The following GRM8 variants were observed in gnomAD, a reference collection of about 807,000 sequenced individuals.
GRM8 encodes glutamate metabotropic receptor 8, also known as metabotropic glutamate receptor 8.
GRM8 carries 47 observed loss-of-function variants against 87.2 expected under a neutral mutation model. The observed-to-expected ratio is 0.54, with a 90% CI of 0.43 to 0.69. The LOEUF (loss-of-function observed/expected upper bound fraction) is 0.69. Ranked by LOEUF, GRM8 falls within the 30% of genes least tolerant of loss-of-function variation. The probability of loss-of-function intolerance (pLI) is 0.00; values close to 1 mark genes in which losing one functional copy is unlikely to be tolerated. For missense variants in GRM8, 1,019 were observed against 1,139.2 expected (o/e 0.89, Z 1.52); for synonymous variants, 396 against 404.5 (o/e 0.98, Z 0.25).
intron 2 of GRM8, among the ~76,000 whole-genome samples, chr7:127,154,283 TTCCC>T (rs1009205442): frequency 1.3e-5 from 2 of 152,202 alleles, no homozygotes; most frequent in Admixed American, 1.3e-4. Context: ...CCACCTGTAG[TTCCC>T]TCCAGCTGCT....
chr7:126,761,313 A>G (rs563196420), intron 7 of GRM8, among the ~76,000 whole-genome samples: 1 of 152,240 alleles, frequency 6.6e-6, no homozygotes, highest in African/African-American at 2.4e-5. Context: ...TGTCACAAAC[A>G]GTTATAAAGA....
intron 6 of GRM8, among the ~76,000 whole-genome samples, chr7:126,840,496 GTT>G (rs1014332537): frequency 1.3e-5 from 2 of 152,086 alleles, no homozygotes; most frequent in African/African-American, 4.8e-5. Context: ...TTCAAGCATA[GTT>G]TTTTTCTCAT....
intron 2 of GRM8, among the ~76,000 whole-genome samples, chr7:127,206,948 G>A (rs1795947979): frequency 6.6e-6 from 1 of 152,174 alleles, no homozygotes; most frequent in African/African-American, 2.4e-5. Context: ...ACACAAGGCA[G>A]GTTCAGAAGC....
intron 9 of GRM8, among the ~76,000 whole-genome samples, chr7:126,526,269 T>A (rs2150818329): frequency 6.6e-6 from 1 of 152,356 alleles, no homozygotes; most frequent in Non-Finnish European, 1.5e-5. Flanking sequence ...AGATTAGGTT[T>A]GTGTATATGA....
At chr7:126,774,111 A>T (rs1819159607) in intron 6 of GRM8, among the ~76,000 whole-genome samples, 1 of 152,170 alleles carries the variant, frequency 6.6e-6, no homozygotes, top group Admixed American at 6.6e-5. Context: ...ACATAAGCAT[A>T]TGGTGACAAA....
At chr7:127,250,847 A>G (rs1457328978) in intron 1 of GRM8, 4 of 152,362 alleles carry the variant, frequency 2.6e-5, no homozygotes, top group South Asian at 2.1e-4. Context: ...TCCACGATCT[A>G]CCTGCTGGTG....
intron 7 of GRM8, among the ~76,000 whole-genome samples, chr7:126,721,003 C>T (rs1206878192): frequency 6.6e-6 from 1 of 152,192 alleles, no homozygotes; most frequent in Non-Finnish European, 1.5e-5. Context: ...CTACTGTCAT[C>T]ACAACATAAA....
intron 3 of GRM8, among the ~76,000 whole-genome samples, chr7:126,957,125 A>G (rs1323112798): frequency 6.6e-6 from 1 of 152,202 alleles, no homozygotes; most frequent in Non-Finnish European, 1.5e-5. Flanking sequence ...GCTGCAATGT[A>G]TCTACTACAT....
chr7:127,058,536 TG>T (rs1253999263), intron 3 of GRM8, among the ~76,000 whole-genome samples: 1 of 152,036 alleles, frequency 6.6e-6, no homozygotes, highest in Non-Finnish European at 1.5e-5. Flanking sequence ...TTTAGGCTGG[TG>T]AAAAAAAAAA....
chr7:126,509,155 T>C (rs1810946090), intron 9 of GRM8, among the ~76,000 whole-genome samples: 1 of 152,104 alleles, frequency 6.6e-6, no homozygotes, highest in South Asian at 2.1e-4. Flanking sequence ...GAAAAGTGAA[T>C]ATTTTAGGAT....
chr7:126,560,743 A>T (rs1161614410), intron 8 of GRM8, among the ~76,000 whole-genome samples: 6 of 152,236 alleles, frequency 3.9e-5, no homozygotes, highest in Non-Finnish European at 8.8e-5. Context: ...GAAATAATTA[A>T]ACAATTCTGA....
chr7:127,001,873 T>G (rs188888104), intron 3 of GRM8, among the ~76,000 whole-genome samples: 45 of 151,790 alleles, frequency 3.0e-4, no homozygotes, highest in African/African-American at 9.2e-4. Context: ...AATAGAGTAT[T>G]GTTATTATCA....
chr7:127,226,659 T>C (rs1797345390), intron 2 of GRM8, among the ~76,000 whole-genome samples: 2 of 152,236 alleles, frequency 1.3e-5, no homozygotes, highest in South Asian at 4.1e-4. Flanking sequence ...ATGGTTTCAA[T>C]ATAACGTTAA....
Position 126,662,766 on chromosome 7 carries a change from C to T in GRM8, c.1358-53268G>A, listed in dbSNP as rs140088085. ...CTTTTTAAAGTGCCATCCAGTACAA[C>T]AAGAGTCGTAAAGCCAAGGAGCTTC... is the stretch of plus-strand genomic sequence containing the variant. On this transcript the variant is annotated intron_variant, in intron 7 of 10. Transcript: ENST00000339582. Among the ~76,000 whole-genome samples the T allele has an allele frequency of 2.0e-3, 301 of 151,830 alleles. 1 individual carries two copies. The highest frequency in any genetic ancestry group is 6.5e-3 in the African/African-American group (270 of 41,388).
intron 8 of GRM8, among the ~76,000 whole-genome samples, chr7:126,555,900 A>C (rs1208374885): frequency 6.6e-6 from 1 of 152,346 alleles, no homozygotes; most frequent in Middle Eastern, 3.4e-3. Context: ...GATTGACTGT[A>C]AAAGGACATA....
intron 6 of GRM8, among the ~76,000 whole-genome samples, chr7:126,806,039 C>T (rs1490876471): frequency 1.3e-5 from 2 of 152,202 alleles, no homozygotes; most frequent in Non-Finnish European, 2.9e-5. Context: ...GTTCAGCCTA[C>T]TGTGTCCAGA....
chr7:126,665,923 T>G (rs187004190), intron 7 of GRM8, among the ~76,000 whole-genome samples: 53 of 152,120 alleles, frequency 3.5e-4, no homozygotes, highest in Non-Finnish European at 6.2e-4. Flanking sequence ...CAGATTTTTG[T>G]GATGACTTTG....
At chr7:127,173,934 T>TA (rs1332946304) in intron 2 of GRM8, among the ~76,000 whole-genome samples, 1 of 152,170 alleles carries the variant, frequency 6.6e-6, no homozygotes, top group Admixed American at 6.6e-5. Flanking sequence ...GACTCTTCTG[T>TA]AAAACTATAA....
chr7:126,900,501 G>GTTGGT (rs1554524775), intron 6 of GRM8, among the ~76,000 whole-genome samples: 12 of 151,648 alleles, frequency 7.9e-5, no homozygotes, highest in African/African-American at 2.9e-4. Context: ...TTTTTTGTTT[G>GTTGGT]TTTGTTTTGT....
Sources: allele counts gnomAD v4.1 joint callset (sites outside exome capture counted in the v4.1 genomes callset), GRCh38; gene constraint gnomAD v4.1.1; transcripts MANE v1.5; gene names NCBI Gene and HGNC (gene_info 2026-07-23, HGNC 2026-07-21).